PRRT1B: variants seen among roughly 807,000 people sequenced by gnomAD.
PRRT1B encodes the protein proline rich transmembrane protein 1B, also known as dispanin subfamily D member 2.
At chr9:131,547,140 C>G (rs1459048275) in intron 1 of PRRT1B, among the ~76,000 whole-genome samples, 1 of 142,376 alleles carries the variant, frequency 7.0e-6, no homozygotes, top group Non-Finnish European at 1.5e-5. Flanking sequence ...GGCACAATCT[C>G]GGCTCACTGC....
At chr9:131,545,554 CCCGACGGCAGGCG>C (rs1476623911) in exon 1 of PRRT1B, 1 of 396,370 alleles carries the variant, frequency 2.5e-6, no homozygotes. Flanking sequence ...GCGGAGCCGG[CCCGACGGCAGGCG>C]CCGGGCCAGG....
At chr9:131,554,181 T>C (rs1010313613) in intron 1 of PRRT1B, among the ~76,000 whole-genome samples, 1 of 152,108 alleles carries the variant, frequency 6.6e-6, no homozygotes, top group Non-Finnish European at 1.5e-5. Flanking sequence ...TCATTGGAGG[T>C]GTATCTCAGG....
chr9:131,548,474 G>A (rs1012457657), intron 1 of PRRT1B, among the ~76,000 whole-genome samples: 4 of 152,040 alleles, frequency 2.6e-5, no homozygotes, highest in Non-Finnish European at 4.4e-5. Flanking sequence ...GCCAGAACAC[G>A]GCACTTTCGA....
At chr9:131,559,452 AC>A (rs1232965603), downstream of PRRT1B, among the ~76,000 whole-genome samples, 3 of 152,082 alleles carry the variant, frequency 2.0e-5, no homozygotes, top group Non-Finnish European at 4.4e-5. Flanking sequence ...AAAACAAACA[AC>A]CATTGCAGAC....
In PRRT1B at chr9:131,551,977, G is replaced by C. The variant is rs1029338051; in HGVS notation, c.26-2580G>C. Among the ~76,000 whole-genome samples, 1 of 152,144 alleles carries C rather than the reference G, an allele frequency of 6.6e-6. No individual in the cohort carries two copies. The highest frequency in any genetic ancestry group is 2.4e-5 in the African/African-American group (1 of 41,440). ...CTGGCTAATTTTTGTATTTTTAGTAGAGACGAGGTGTCACTGTGTTGGCCA... is the reference window on the plus strand; with the variant it reads ...CTGGCTAATTTTTGTATTTTTAGTACAGACGAGGTGTCACTGTGTTGGCCA... On this transcript the variant is annotated intron_variant, in intron 1 of 3. Transcript: ENST00000636672. This position sits in a 1 kb window ranked among gnomAD's most constrained non-coding sequence, Gnocchi z 4.4.
intron 3 of PRRT1B, among the ~76,000 whole-genome samples, chr9:131,557,493 G>A (rs1358703686): frequency 1.3e-5 from 2 of 152,134 alleles, no homozygotes; most frequent in African/African-American, 2.4e-5. Context: ...AGCTGAGATC[G>A]CACCACTGCA....
chr9:131,554,572 G>A (rs1451194985), exon 2 of PRRT1B: 15 of 395,926 alleles, frequency 3.8e-5, no homozygotes, highest in South Asian at 2.6e-4. Flanking sequence ...GACACGAAAG[G>A]GGGCGGCAGC....
chr9:131,550,979 G>C (rs188170749), intron 1 of PRRT1B, among the ~76,000 whole-genome samples: 115 of 96,430 alleles, frequency 1.2e-3, no homozygotes, highest in African/African-American at 4.4e-3. Context: ...GTCTCACTGT[G>C]TTTCCCAGGC....
chr9:131,545,996 G>T (rs897380028), intron 1 of PRRT1B, among the ~76,000 whole-genome samples: 1 of 152,138 alleles, frequency 6.6e-6, no homozygotes, highest in Non-Finnish European at 1.5e-5. Context: ...CACCCCATCC[G>T]GAGCCAGGGT....
intron 1 of PRRT1B, among the ~76,000 whole-genome samples, 155 bp downstream of exon 1, chr9:131,545,795 G>T (rs1950970347): frequency 6.6e-6 from 1 of 151,384 alleles, no homozygotes; most frequent in Non-Finnish European, 1.5e-5. Context: ...GGGGTGTAAG[G>T]GGTAGATACC....
chr9:131,558,507 C>T (rs567712538), exon 4 of PRRT1B: 288 of 262,964 alleles, frequency 1.1e-3, no homozygotes, highest in Admixed American at 2.6e-3. Flanking sequence ...AGCCTCCTCT[C>T]AAGGCCTTCC....
intron 1 of PRRT1B, among the ~76,000 whole-genome samples, chr9:131,552,976 G>A (rs190687531): frequency 1.1e-3 from 161 of 151,484 alleles, no homozygotes; most frequent in African/African-American, 3.7e-3. Context: ...GTGAGCCATT[G>A]TGCCTGGCCA....
chr9:131,553,527 G>C (rs182737174), intron 1 of PRRT1B, among the ~76,000 whole-genome samples: 1 of 152,298 alleles, frequency 6.6e-6, no homozygotes, highest in East Asian at 1.9e-4. Flanking sequence ...GGCAGGACAC[G>C]CCCAGGGGCT....
intron 1 of PRRT1B, 57 bp downstream of exon 1, chr9:131,545,697 G>A (rs1447734641): frequency 1.0e-5 from 4 of 401,360 alleles, no homozygotes; most frequent in African/African-American, 2.1e-5. Flanking sequence ...TACTGGCGGG[G>A]CAGGTACTGG....
chr9:131,546,685 A>AC (rs545881530), intron 1 of PRRT1B, among the ~76,000 whole-genome samples: 146 of 125,850 alleles, frequency 1.2e-3, no homozygotes, highest in Non-Finnish European at 1.8e-3. Context: ...GGGAGCCCGG[A>AC]CCCCCCTTCC....
chr9:131,549,452 T>C (rs916510428), intron 1 of PRRT1B, among the ~76,000 whole-genome samples: 3 of 152,100 alleles, frequency 2.0e-5, no homozygotes, highest in Admixed American at 6.5e-5. Context: ...CCACTGAAAA[T>C]TGGACTGTTC....
chr9:131,552,087 C>G (rs927321575), intron 1 of PRRT1B, among the ~76,000 whole-genome samples: 5 of 152,194 alleles, frequency 3.3e-5, no homozygotes, highest in Non-Finnish European at 5.9e-5. Context: ...GCCACCGCAT[C>G]CAGCCATGTT....
At position 131,549,304 on chromosome 9, in the gene PRRT1B, T is replaced by C. The variant is rs1038436946; in HGVS notation, c.25+3664T>C. Among the ~76,000 whole-genome samples the C allele has an allele frequency of 5.3e-5, 8 of 152,206 alleles. No individual in the cohort carries two copies. In the East Asian group the frequency reaches 1.5e-3, roughly 29 times the overall value. On this transcript the variant is annotated intron_variant, in intron 1 of 3. Transcript: ENST00000636672. ...CCAGGACACAAGAACTTCAAACGCC[T>C]GAACCGCAGCTGCCAGGCATTCCTC... is the stretch of plus-strand genomic sequence containing the variant.
exon 4 of PRRT1B, chr9:131,558,406 C>A (rs1951064285): frequency 2.6e-6 from 1 of 389,534 alleles, no homozygotes; most frequent in Non-Finnish European, 4.5e-6. Flanking sequence ...AGGTGGCCCA[C>A]TGGAGCCTCA....
Sources: gnomAD v4.1 joint callset for allele counts (sites outside exome capture counted in the v4.1 genomes callset) on GRCh38, gnomAD v4.1.1 for gene constraint, Gnocchi (gnomAD v3.1) non-coding constraint, MANE v1.5 for transcripts, NCBI Gene and HGNC (gene_info 2026-07-23, HGNC 2026-07-21) for gene names.